Variants in ABCG1 observed in about 807,000 individuals in gnomAD.
ABCG1 encodes the protein ATP binding cassette subfamily G member 1, also known as ATP-binding cassette sub-family G member 1.
A neutral mutation model predicts 69.2 loss-of-function variants in ABCG1; 29 were observed. The ratio of observed to expected loss-of-function variants is 0.42; its 90% confidence interval spans 0.31 to 0.57. The LOEUF is 0.57. ABCG1 is among the 20% of genes least tolerant of loss of function. The pLI, the probability that ABCG1 is intolerant of heterozygous loss-of-function variation, is 0.15. For missense variants in ABCG1, 718 were observed against 898.1 expected, an observed-to-expected ratio of 0.80 and a Z score of 2.56; for synonymous variants, 370 against 374.8, an observed-to-expected ratio of 0.99 and a Z score of 0.15.
At chr21:42,275,500 T>C (rs2068693509) in intron 4 of ABCG1, among the ~76,000 whole-genome samples, 3 of 152,206 alleles carry the variant, frequency 2.0e-5, no homozygotes. Context: ...GCAAACTCCA[T>C]GCACACCCTC....
intron 2 of ABCG1, among the ~76,000 whole-genome samples, chr21:42,250,113 G>T (rs1309772560): frequency 6.6e-6 from 1 of 152,054 alleles, no homozygotes; most frequent in Non-Finnish European, 1.5e-5. Context: ...GGGTGCAGGG[G>T]GAGGGGGCGT....
chr21:42,274,959 G>A (rs1032833522), intron 4 of ABCG1, among the ~76,000 whole-genome samples: 2 of 152,100 alleles, frequency 1.3e-5, no homozygotes, highest in South Asian at 2.1e-4. Flanking sequence ...CTCCTTGTTC[G>A]CTGCAAAAGA....
chr21:42,219,407 C>G lies in ABCG1; in HGVS notation c.42+103C>G. The G allele has an allele frequency of 6.8e-7, 1 of 1,466,970 alleles. No homozygotes were observed. Among genetic ancestry groups the G allele is most frequent in the African/African-American group, 1.4e-5 (1 of 69,176 alleles). The allele number at this position is 1,466,970 out of a possible 1,614,324, so 90.9% of individuals were successfully genotyped here. A position where few individuals can be genotyped will look rare whatever the true frequency, so the allele number is the denominator to read the frequency against. On this transcript the variant is annotated intron_variant, in intron 1 of 14. Transcript: ENST00000398449. The surrounding 1 kb of genome is among the most constrained non-coding windows in gnomAD (Gnocchi z 5.3). ...CTCGACCTGACACCCCTCCCAGGAGCGCGTCCTCTGGGCGCTGACCCAGGG... is the reference window on the plus strand; with the variant it reads ...CTCGACCTGACACCCCTCCCAGGAGGGCGTCCTCTGGGCGCTGACCCAGGG...
intron 2 of ABCG1, chr21:42,256,113 G>A (rs1165045815): frequency 1.1e-5 from 15 of 1,337,422 alleles, no homozygotes; most frequent in Admixed American, 3.5e-5. Flanking sequence ...GGTGAGGCCC[G>A]TGACCTTCCC....
chr21:42,206,383 TAAACAAACAAACAAAC>T (rs149842586), intron 2 of ABCG1, among the ~76,000 whole-genome samples: 17 of 144,424 alleles, frequency 1.2e-4, no homozygotes, highest in East Asian at 3.9e-4. Context: ...AATAAATAAA[TAAACAAACAAACAAAC>T]AAACACAATC....
At position 42,287,429 on chromosome 21, in the gene ABCG1, G is replaced by A. The variant is rs2068962915; in HGVS notation, c.974-460G>A. ...AGTCCCCAGGGTGCCAGCCACTCAT[G>A]TGGCGATGGGCACGTCCTTCTCTGC... is the stretch of plus-strand genomic sequence containing the variant. On this transcript the variant is annotated intron_variant, in intron 8 of 14. Coordinates refer to ENST00000398449, the MANE Select transcript of ABCG1 (RefSeq NM_016818.3). This position sits in a 1 kb window ranked among gnomAD's most constrained non-coding sequence, Gnocchi z 6.2. Among the ~76,000 whole-genome samples, 1 of 152,174 alleles carries A rather than the reference G, an allele frequency of 6.6e-6. No individual in the cohort carries two copies. Among genetic ancestry groups the A allele is most frequent in the African/African-American group, 2.4e-5 (1 of 41,444 alleles).
intron 2 of ABCG1, among the ~76,000 whole-genome samples, chr21:42,210,880 G>A (rs1232329866): frequency 6.6e-6 from 1 of 152,072 alleles, no homozygotes; most frequent in Non-Finnish European, 1.5e-5. Flanking sequence ...GGATGCTGGA[G>A]ACAGAATACC....
chr21:42,217,796 A>ATT (rs2067658681), upstream of ABCG1, among the ~76,000 whole-genome samples: 6 of 137,124 alleles, frequency 4.4e-5, no homozygotes, highest in South Asian at 1.1e-3. Flanking sequence ...GGTTCATGCC[A>ATT]TTCTCCTGCC....
At chr21:42,256,311 C>A in intron 2 of ABCG1, 1 of 1,545,236 alleles carries the variant, frequency 6.5e-7, no homozygotes, top group Non-Finnish European at 8.7e-7. Context: ...TGCCCGGAGT[C>A]TACAGAGGGT....
In ABCG1 at chr21:42,283,678, C is replaced by T. The variant is rs906765557; in HGVS notation, c.735-882C>T. ...CCCCCCCACCCAAATGAGTGGGGAA[C>T]CCCCACCTCTTTCCCACCTGGACAG... On this transcript the variant is annotated intron_variant, in intron 6 of 14. Transcript: ENST00000398449. 2.4e-5 allele frequency among the ~76,000 whole-genome samples: 3 copies of T among 126,406 alleles called. 1 individual carries two copies. Among genetic ancestry groups the T allele is most frequent in the Admixed American group, 9.3e-5 (1 of 10,806 alleles). 82.9% of individuals were successfully genotyped at this position (126,406 alleles called of 152,430 possible).
chr21:42,260,414 C>G (rs2068388179), intron 2 of ABCG1, among the ~76,000 whole-genome samples: 1 of 152,174 alleles, frequency 6.6e-6, no homozygotes. Context: ...GAGTCTCCCT[C>G]CCCAGGGTTC....
intron 2 of ABCG1, chr21:42,256,010 C>T (rs2123667961): frequency 2.0e-6 from 1 of 489,508 alleles, no homozygotes; most frequent in East Asian, 3.9e-5. Flanking sequence ...CCAGGGAGCC[C>T]CTAGAGCAGT....
chr21:42,211,084 G>A (rs1798315409), upstream of ABCG1, among the ~76,000 whole-genome samples: 1 of 151,252 alleles, frequency 6.6e-6, no homozygotes, highest in Admixed American at 6.6e-5. Context: ...CTCAGCCTCT[G>A]GAGTAGCTGG....
At chr21:42,259,320 G>A (rs1487346660) in intron 2 of ABCG1, 4 of 1,547,430 alleles carry the variant, frequency 2.6e-6, no homozygotes, top group Non-Finnish European at 3.5e-6. Flanking sequence ...AGTAGCCACA[G>A]CCGTGCATGT....
At chr21:42,263,333 T>A (rs1471578693) in intron 2 of ABCG1, among the ~76,000 whole-genome samples, 1 of 152,218 alleles carries the variant, frequency 6.6e-6, no homozygotes, top group Non-Finnish European at 1.5e-5. Context: ...TTGTTTGTTT[T>A]GGAAAAGTTG....
chr21:42,221,885 C>A (rs909309437), intron 1 of ABCG1, among the ~76,000 whole-genome samples: 1 of 152,180 alleles, frequency 6.6e-6, no homozygotes, highest in African/African-American at 2.4e-5. Flanking sequence ...GGCTTACTGA[C>A]TGCTACAGAC....
At chr21:42,270,973 T>A in intron 2 of ABCG1, 97 bp from the exon 3 acceptor site, 2 of 728,328 alleles carry the variant, frequency 2.7e-6, no homozygotes, top group Non-Finnish European at 4.3e-6. Context: ...ATGTCAAAGG[T>A]TGCCTTTGGC....
intron 2 of ABCG1, among the ~76,000 whole-genome samples, chr21:42,258,981 G>A (rs761989131): frequency 3.9e-5 from 6 of 152,200 alleles, no homozygotes; most frequent in Non-Finnish European, 7.3e-5. Flanking sequence ...CGTAGGATTC[G>A]GAGCTCCTTG....
intron 2 of ABCG1, among the ~76,000 whole-genome samples, chr21:42,248,524 C>T (rs1487906514): frequency 1.3e-5 from 2 of 152,142 alleles, no homozygotes; most frequent in Admixed American, 1.3e-4. Context: ...GACCTGAATA[C>T]AGCGCTCTCA....
Sources: gnomAD v4.1 joint callset for allele counts (sites outside exome capture counted in the v4.1 genomes callset) on GRCh38, gnomAD v4.1.1 for gene constraint, Gnocchi (gnomAD v3.1) non-coding constraint, MANE v1.5 for transcripts, NCBI Gene and HGNC (gene_info 2026-07-23, HGNC 2026-07-21) for gene names.